Variants in NEO1 observed in about 807,000 individuals in gnomAD.
NEO1 encodes the protein neogenin.
In NEO1, 63 loss-of-function variants were observed where a neutral mutation model predicts 159.7. That is an observed-to-expected ratio of 0.39 (90% confidence interval 0.32 to 0.49). The LOEUF is 0.49. Among genes scored for constraint, NEO1 ranks in the 20% least tolerant of loss-of-function variants. The pLI is 0.85. For missense variants in NEO1, 1,615 were observed against 1,831.0 expected (o/e 0.88, Z 2.15); for synonymous variants, 633 against 662.0 (o/e 0.96, Z 0.67).
rs553592966 is a variant in NEO1 at position 73,256,863 on chromosome 15, C to T, written c.2093-1903C>T. On this transcript the variant is annotated intron_variant, in intron 13 of 28. Coordinates refer to ENST00000261908, the MANE Select transcript of NEO1 (RefSeq NM_002499.4). Reference sequence around the variant, plus strand: ...CAGCACTTTGAGAGGCTGAGACAGGCGGATTCCTTGAGCCCAAGAGTTTGA... The same window carrying T: ...CAGCACTTTGAGAGGCTGAGACAGGTGGATTCCTTGAGCCCAAGAGTTTGA... Among the ~76,000 whole-genome samples, 182 of 152,010 alleles carry T rather than the reference C, an allele frequency of 1.2e-3. 1 individual carries two copies. Among genetic ancestry groups the T allele is most frequent in the African/African-American group, 4.1e-3 (169 of 41,446 alleles).
At chr15:73,260,603 C>G (rs781173504) in intron 15 of NEO1, 138 bp downstream of exon 15, 9 of 765,426 alleles carry the variant, frequency 1.2e-5, no homozygotes, top group Non-Finnish European at 1.6e-5. Context: ...CTGAATTCCC[C>G]AAATGTTAAC....
intron 2 of NEO1, among the ~76,000 whole-genome samples, chr15:73,122,029 G>C (rs2071679149): frequency 6.8e-6 from 1 of 147,476 alleles, no homozygotes; most frequent in African/African-American, 2.5e-5. Context: ...TCTGTGGACA[G>C]GGCTAGGAAA....
At chr15:73,076,919 A>C (rs1034096564) in intron 1 of NEO1, among the ~76,000 whole-genome samples, 1 of 152,150 alleles carries the variant, frequency 6.6e-6, no homozygotes, top group African/African-American at 2.4e-5. Context: ...TTATTGTAGG[A>C]GGTAAGGCAC....
At chr15:73,248,625 T>C (rs1348454160) in intron 9 of NEO1, among the ~76,000 whole-genome samples, 2 of 152,222 alleles carry the variant, frequency 1.3e-5, no homozygotes, top group Non-Finnish European at 2.9e-5. Context: ...GTTTTTGTTA[T>C]AACCGTTACC....
At chr15:73,276,789 T>C (rs940968660) in intron 21 of NEO1, among the ~76,000 whole-genome samples, 9 of 152,236 alleles carry the variant, frequency 5.9e-5, no homozygotes, top group Non-Finnish European at 5.9e-5. Flanking sequence ...TTAGCTCTAA[T>C]GTTTTGCAGA....
intron 5 of NEO1, among the ~76,000 whole-genome samples, chr15:73,158,208 C>CTTTTTTTTTTTTT (rs1047852394): frequency 4.8e-5 from 4 of 82,556 alleles, no homozygotes; most frequent in African/African-American, 1.3e-4. Context: ...GAGTGAGACT[C>CTTTTTTTTTTTTT]TTTTTTTTTT....
intron 5 of NEO1, among the ~76,000 whole-genome samples, chr15:73,136,243 C>T (rs777140833): frequency 5.9e-5 from 9 of 152,008 alleles, no homozygotes; most frequent in Non-Finnish European, 1.0e-4. Flanking sequence ...TTTTCCTCAG[C>T]TGTAAAATGG....
chr15:73,165,891 T>C (rs939835277), intron 5 of NEO1, among the ~76,000 whole-genome samples: 5 of 152,212 alleles, frequency 3.3e-5, no homozygotes, highest in African/African-American at 1.2e-4. Flanking sequence ...GCTTGAGTTA[T>C]TCCATATCGC....
chr15:73,148,161 A>G (rs2033083191), intron 5 of NEO1, among the ~76,000 whole-genome samples: 1 of 152,036 alleles, frequency 6.6e-6, no homozygotes, highest in Non-Finnish European at 1.5e-5. Flanking sequence ...ATTGAACCAT[A>G]TTTCTTCTGC....
intron 9 of NEO1, among the ~76,000 whole-genome samples, chr15:73,247,119 G>A (rs560213515): frequency 6.6e-6 from 1 of 152,334 alleles, no homozygotes; most frequent in East Asian, 1.9e-4. Flanking sequence ...ACAGGTTCTG[G>A]TGAGGGTATT....
chr15:73,258,640 A>G, intron 13 of NEO1, 126 bp from the exon 14 acceptor site: 1 of 711,214 alleles, frequency 1.4e-6, no homozygotes, highest in East Asian at 2.7e-5. Flanking sequence ...GTATTAACTT[A>G]AACTGAAACT....
At chr15:73,153,419 G>A (rs2033535255) in intron 5 of NEO1, among the ~76,000 whole-genome samples, 2 of 151,938 alleles carry the variant, frequency 1.3e-5, no homozygotes, top group South Asian at 4.1e-4. Context: ...CACTGCATTG[G>A]CAAAACACCA....
At position 73,298,455 on chromosome 15, in the gene NEO1, G is replaced by T; in HGVS notation, c.4009G>T (p.Ala1337Ser). ...PEGATSSSYL[A>S]SSQEEDSGQS... Reference sequence around the variant, plus strand: ...AGGTGCTACCAGCTCCTCTTACTTGGCCAGCTCCCAAGAGGAAGATTCAGG... The same window carrying T: ...AGGTGCTACCAGCTCCTCTTACTTGTCCAGCTCCCAAGAGGAAGATTCAGG... The change falls in exon 27 of 29, where the codon GCC becomes TCC. Residue 1337 changes from alanine to serine, a missense_variant. Around this residue, in one of 3 missense-constraint regions of NEO1, gnomAD observed 471 missense variants for 498.9 expected, o/e 0.94. Coordinates refer to ENST00000261908, the MANE Select transcript of NEO1 (RefSeq NM_002499.4). The T allele has an allele frequency of 1.2e-6, 2 of 1,614,138 alleles. No homozygotes were observed. Among genetic ancestry groups the T allele is most frequent in the Non-Finnish European group, 1.7e-6 (2 of 1,180,014 alleles).
At chr15:73,275,152 G>T (rs1049557532) in intron 21 of NEO1, among the ~76,000 whole-genome samples, 1 of 152,116 alleles carries the variant, frequency 6.6e-6, no homozygotes, top group Non-Finnish European at 1.5e-5. Flanking sequence ...GTCTTTAAGT[G>T]GAAAGTTGTA....
At chr15:73,287,696 C>T (rs2042001223) in intron 23 of NEO1, among the ~76,000 whole-genome samples, 1 of 152,102 alleles carries the variant, frequency 6.6e-6, no homozygotes, top group African/African-American at 2.4e-5. Context: ...GCCTGGCCAA[C>T]ATGGTGAAAC....
intron 1 of NEO1, among the ~76,000 whole-genome samples, chr15:73,093,624 A>G (rs2069825419): frequency 6.6e-6 from 1 of 150,504 alleles, no homozygotes; most frequent in African/African-American, 2.5e-5. Flanking sequence ...CCCAGGCTGG[A>G]GTGCAGTGAC....
rs923621631 is a variant in NEO1, at chr15:73,060,409, G to A, written c.130+7604G>A. On this transcript the variant is annotated intron_variant, in intron 1 of 28. Transcript: ENST00000261908. ...CTCCCAAGTAGCTGGGACTACAGGC[G>A]TGCACCACCACACCCTGCTAATTTT... 5.3e-5 allele frequency among the ~76,000 whole-genome samples: 8 copies of A among 149,600 alleles called. No homozygotes were observed. In the East Asian group the frequency reaches 8.0e-4, roughly 15 times the overall value.
chr15:73,176,955 A>G (rs900602128), intron 6 of NEO1, among the ~76,000 whole-genome samples: 2 of 152,186 alleles, frequency 1.3e-5, no homozygotes, highest in South Asian at 4.1e-4. Context: ...GAAGTGTGGA[A>G]AGATGATCCT....
chr15:73,214,681 T>C (rs540655676), intron 7 of NEO1, among the ~76,000 whole-genome samples: 150 of 152,332 alleles, frequency 9.8e-4, no homozygotes, highest in Non-Finnish European at 1.3e-4. Context: ...TATGGCCTTA[T>C]AGTATAGTTT....
Sources: allele counts gnomAD v4.1 joint callset (sites outside exome capture counted in the v4.1 genomes callset), GRCh38; gene constraint gnomAD v4.1.1; regional missense constraint gnomAD v4.1.1; transcripts MANE v1.5; gene names NCBI Gene and HGNC (gene_info 2026-07-23, HGNC 2026-07-21).